PDE1A: variants seen among roughly 807,000 people sequenced by gnomAD.
The protein encoded by PDE1A is dual specificity calcium/calmodulin-dependent 3',5'-cyclic nucleotide phosphodiesterase 1A.
Under a neutral mutation model 61.7 loss-of-function variants are expected in PDE1A, and 35 were observed. The observed-to-expected ratio is 0.57, with a 90% CI of 0.43 to 0.75. The LOEUF (loss-of-function observed/expected upper bound fraction) is 0.75. PDE1A is among the 30% of genes least tolerant of loss of function. The pLI, the probability that PDE1A is intolerant of heterozygous loss-of-function variation, is 0.00. For missense variants in PDE1A, 597 were observed against 630.6 expected (o/e 0.95, Z 0.57); for synonymous variants, 232 against 213.2 (o/e 1.09, Z -0.77).
chr2:182,208,424 A>G (rs1227672203), intron 7 of PDE1A, among the ~76,000 whole-genome samples: 1 of 152,170 alleles, frequency 6.6e-6, no homozygotes, highest in African/African-American at 2.4e-5. Context: ...CACTATTATG[A>G]GAACAGCATG....
chr2:182,649,817 C>T, the PDE1A span, among the ~76,000 whole-genome samples: 1 of 152,076 alleles, frequency 6.6e-6, no homozygotes, highest in Non-Finnish European at 1.5e-5. Context: ...ACCATCTTGG[C>T]CAGGCTGGTC....
At chr2:182,346,476 G>A (rs1337890046) in intron 1 of PDE1A, among the ~76,000 whole-genome samples, 1 of 152,148 alleles carries the variant, frequency 6.6e-6, no homozygotes, top group East Asian at 1.9e-4. Flanking sequence ...TGAGTACCAT[G>A]TCAGGAACTG....
the PDE1A span, among the ~76,000 whole-genome samples, chr2:182,687,309 G>A: frequency 5.9e-5 from 9 of 152,290 alleles, no homozygotes; most frequent in African/African-American, 2.2e-4. Context: ...ACACCACACA[G>A]GGCTGGGTTT....
In PDE1A at chr2:182,315,067, A is replaced by G. The variant is rs76319148; in HGVS notation, c.54-50653T>C. On this transcript the variant is annotated intron_variant, in intron 1 of 13. Transcript: ENST00000351439. ...AACACTTTAAACTCAAAAAATCATC[A>G]TAGAATGGCTTAGTAAAATATCCTG... 1.4e-3 allele frequency among the ~76,000 whole-genome samples: 208 copies of G among 152,302 alleles called. 1 individual carries two copies. The East Asian group carries it at 0.039, about 28-fold the overall frequency.
At chr2:182,474,181 G>C (rs1324010057) in intron 2 of PDE1A, among the ~76,000 whole-genome samples, 1 of 151,968 alleles carries the variant, frequency 6.6e-6, no homozygotes, top group East Asian at 1.9e-4. Flanking sequence ...TTTGTGTAAA[G>C]TGATGGGTAA....
intron 1 of PDE1A, among the ~76,000 whole-genome samples, chr2:182,267,606 A>T (rs985412407): frequency 6.6e-6 from 1 of 152,142 alleles, no homozygotes; most frequent in Non-Finnish European, 1.5e-5. Flanking sequence ...AAACCTTTAT[A>T]TTGTAAAAAT....
chr2:182,296,282 C>T (rs1415453061), intron 1 of PDE1A, among the ~76,000 whole-genome samples: 6 of 152,130 alleles, frequency 3.9e-5, no homozygotes, highest in Non-Finnish European at 8.8e-5. Context: ...TCATCTTTTT[C>T]TTAGTTTTGA....
At chr2:182,333,120 C>A (rs537597991) in intron 1 of PDE1A, among the ~76,000 whole-genome samples, 1 of 152,222 alleles carries the variant, frequency 6.6e-6, no homozygotes, top group Admixed American at 6.5e-5. Flanking sequence ...AACTCCCACA[C>A]AATAATAGTG....
chr2:182,614,961 C>T, the PDE1A span, among the ~76,000 whole-genome samples: 1 of 152,062 alleles, frequency 6.6e-6, no homozygotes, highest in Non-Finnish European at 1.5e-5. Flanking sequence ...TAAAATATGT[C>T]CTGTATAGTT....
the PDE1A span, among the ~76,000 whole-genome samples, chr2:182,698,759 C>T: frequency 5.2e-3 from 798 of 152,148 alleles, 7 homozygotes; most frequent in African/African-American, 0.018. Context: ...CTTTTTAAAG[C>T]CCAGAGACAT....
chr2:182,411,749 C>T (rs1702628251), intron 1 of PDE1A, among the ~76,000 whole-genome samples: 1 of 152,026 alleles, frequency 6.6e-6, no homozygotes, highest in African/African-American at 2.4e-5. Context: ...GGGTAGAGAC[C>T]AGTGATGTTG....
chr2:182,305,152 A>G (rs545553889), intron 1 of PDE1A, among the ~76,000 whole-genome samples: 8 of 150,008 alleles, frequency 5.3e-5, no homozygotes, highest in South Asian at 4.4e-4. Context: ...CTCTTCTCCA[A>G]TCTTCTATTA....
chr2:182,295,199 C>A (rs572390618), intron 1 of PDE1A, among the ~76,000 whole-genome samples: 1 of 151,002 alleles, frequency 6.6e-6, no homozygotes, highest in African/African-American at 2.4e-5. Context: ...CTCAGCCTCC[C>A]GAGTAGCTGG....
chr2:182,266,096 A>G (rs1692617160), intron 1 of PDE1A, among the ~76,000 whole-genome samples: 1 of 152,202 alleles, frequency 6.6e-6, no homozygotes, highest in Admixed American at 6.5e-5. Context: ...CGTCTTACTC[A>G]GGAAGCTGTA....
chr2:182,535,245 C>A, the PDE1A span, among the ~76,000 whole-genome samples: 62 of 152,148 alleles, frequency 4.1e-4, no homozygotes, highest in African/African-American at 1.5e-3. Context: ...CATACATTAT[C>A]TGTTAATCTC....
the PDE1A span, among the ~76,000 whole-genome samples, chr2:182,572,152 G>C: frequency 8.0e-4 from 122 of 152,258 alleles, no homozygotes; most frequent in Non-Finnish European, 1.6e-3. Flanking sequence ...GTTTGTTATT[G>C]AAAGAATGGA....
chr2:182,682,705 A>G, the PDE1A span, among the ~76,000 whole-genome samples: 1 of 152,224 alleles, frequency 6.6e-6, no homozygotes, highest in Non-Finnish European at 1.5e-5. Context: ...TCAAGACTTT[A>G]CCCAATATTT....
the PDE1A span, among the ~76,000 whole-genome samples, chr2:182,612,391 A>T: frequency 1.3e-5 from 2 of 152,194 alleles, no homozygotes. Context: ...CCTAATTCTC[A>T]TATATCCAGC....
At chr2:182,617,441 T>G in the PDE1A span, among the ~76,000 whole-genome samples, 1 of 152,234 alleles carries the variant, frequency 6.6e-6, no homozygotes, top group Non-Finnish European at 1.5e-5. Context: ...TTCCTTTGGC[T>G]GATTTGAATC....
Sources: gnomAD v4.1 joint callset for allele counts (sites outside exome capture counted in the v4.1 genomes callset) on GRCh38, gnomAD v4.1.1 for gene constraint, MANE v1.5 for transcripts, NCBI Gene and HGNC (gene_info 2026-07-23, HGNC 2026-07-21) for gene names.